Variants in PCNX1 observed in about 807,000 individuals in gnomAD.
PCNX1 encodes the protein pecanex-like protein 1.
In PCNX1, 78 loss-of-function variants were observed where a neutral mutation model predicts 242.2. The observed-to-expected ratio is 0.32, with a 90% CI of 0.27 to 0.39. PCNX1 has a LOEUF of 0.39. PCNX1 is among the 10% of genes least tolerant of loss of function. PCNX1 has a pLI of 1.00. For missense variants in PCNX1, 2,581 were observed against 2,856.5 expected (o/e 0.90, Z 2.20); for synonymous variants, 1,024 against 1,032.9 (o/e 0.99, Z 0.17).
At chr14:71,072,317 C>T (rs1166271964) in intron 26 of PCNX1, among the ~76,000 whole-genome samples, 1 of 152,210 alleles carries the variant, frequency 6.6e-6, no homozygotes, top group Non-Finnish European at 1.5e-5. Context: ...TGGTCACCCA[C>T]AGCATGTATT....
intron 5 of PCNX1, among the ~76,000 whole-genome samples, chr14:70,971,123 T>G (rs201221125): frequency 1.1e-3 from 3 of 2,648 alleles, no homozygotes; most frequent in Admixed American, 8.4e-3. Flanking sequence ...TAGTTTTTTT[T>G]TTTTTTTTTT....
chr14:71,089,717 C>G (rs571541184), intron 30 of PCNX1, among the ~76,000 whole-genome samples: 4 of 152,210 alleles, frequency 2.6e-5, no homozygotes, highest in Non-Finnish European at 5.9e-5. Flanking sequence ...TTCCAGGACA[C>G]GTGGGGATTA....
chr14:70,979,769 A>G (rs1282167266), intron 6 of PCNX1, among the ~76,000 whole-genome samples: 1 of 152,114 alleles, frequency 6.6e-6, no homozygotes, highest in African/African-American at 2.4e-5. Flanking sequence ...ATTTTCTTAG[A>G]TTTTTTTGGG....
intron 5 of PCNX1, chr14:70,969,901 G>C (rs2058489679): frequency 6.6e-6 from 1 of 152,440 alleles, no homozygotes; most frequent in African/African-American, 2.4e-5. Context: ...GAACCTGGGA[G>C]GCGGAGGTTG....
In PCNX1 at chr14:70,977,651, G is replaced by C; in HGVS notation, c.1314G>C (p.Glu438Asp). 6.2e-7 allele frequency: 1 copy of C among 1,614,062 alleles called. No homozygotes were observed. The highest frequency in any genetic ancestry group is 8.5e-7 in the Non-Finnish European group (1 of 1,179,996). The change falls in exon 6 of 36, where the codon GAG becomes GAC. Residue 438 changes from glutamate to aspartate, a missense_variant. By Grantham distance (45) the Glu-to-Asp change is conservative (BLOSUM62 2). Transcript: ENST00000304743. Reference sequence around the variant, plus strand: ...AGAAAGAGTGCTGTGCAGGCCCAGAGGAGAAGAATAGCTGTGCCAGTGACA... The same window carrying C: ...AGAAAGAGTGCTGTGCAGGCCCAGACGAGAAGAATAGCTGTGCCAGTGACA... Reference protein sequence around the residue: ...GRKKECCAGPEEKNSCASDKR... With the variant: ...GRKKECCAGPDEKNSCASDKR...
chr14:70,991,968 A>G (rs552845861), intron 7 of PCNX1, among the ~76,000 whole-genome samples: 10 of 152,292 alleles, frequency 6.6e-5, no homozygotes, highest in African/African-American at 2.4e-4. Flanking sequence ...ATATGTCCCC[A>G]AGGATTGGGA....
chr14:71,019,720 T>TAAAATAAG (rs2060048726), intron 12 of PCNX1, among the ~76,000 whole-genome samples: 2 of 152,278 alleles, frequency 1.3e-5, no homozygotes, highest in African/African-American at 4.8e-5. Context: ...CTGTATTTGT[T>TAAAATAAG]AAAATAAGAA....
rs930476594 is a variant in PCNX1, at chr14:71,012,890, GTAAC to G, written c.2779-93_2779-90del. ...CTTAGATAACTGATAAGCTAATTGA[GTAAC>G]TGTTGAATTATGAAGATATTTTATT... On this transcript the variant is annotated intron_variant, in intron 10 of 35. Coordinates refer to ENST00000304743, the MANE Select transcript of PCNX1 (RefSeq NM_014982.3). The G allele has an allele frequency of 3.2e-4, 264 of 820,696 alleles. 5 individuals are homozygous for G. In the Admixed American group the frequency reaches 5.1e-3, roughly 16 times the overall value. 50.8% of individuals were successfully genotyped at this position (820,696 alleles called of 1,614,324 possible). A position where few individuals can be genotyped will look rare whatever the true frequency, so the allele number is the denominator to read the frequency against.
intron 12 of PCNX1, among the ~76,000 whole-genome samples, chr14:71,019,443 C>G (rs991302473): frequency 6.6e-6 from 1 of 152,122 alleles, no homozygotes; most frequent in Non-Finnish European, 1.5e-5. Flanking sequence ...TGCTCTGTTG[C>G]CCAGGCTGCA....
chr14:71,036,117 A>T lies in PCNX1; in HGVS notation c.3827A>T (p.Tyr1276Phe). 1 of 1,608,468 alleles carries T rather than the reference A, an allele frequency of 6.2e-7. No individual in the cohort carries two copies. The highest frequency in any genetic ancestry group is 8.5e-7 in the Non-Finnish European group (1 of 1,174,960). ...GTATGCATTGTAATTGGTGTGCTGTATTTTGCTATTCATGTAAGCACAGTC... is the reference window on the plus strand; with the variant it reads ...GTATGCATTGTAATTGGTGTGCTGTTTTTTGCTATTCATGTAAGCACAGTC... ...LVVCIVIGVL[Y>F]FAIHVSTVFT... Residue 1276 changes from tyrosine (Y) to phenylalanine (F), a missense_variant, in exon 19 of 36, where the codon TAT becomes TTT. Tyr to Phe is a conservative substitution (Grantham distance 22). Coordinates refer to ENST00000304743, the MANE Select transcript of PCNX1 (RefSeq NM_014982.3).
chr14:70,922,355 C>T (rs2056410902), intron 1 of PCNX1, among the ~76,000 whole-genome samples: 1 of 151,794 alleles, frequency 6.6e-6, no homozygotes, highest in Non-Finnish European at 1.5e-5. Flanking sequence ...TTTTTTCTTG[C>T]AAACCTTTAA....
rs1205708508 is a variant in PCNX1 at position 71,115,000 on chromosome 14, T to G, written c.*5065T>G. ...GCTTTTTAAAAGCTTATAGTTTAAG[T>G]AAAAGTAAAATGTAAAAACTGATTA... On this transcript the variant is annotated 3_prime_UTR_variant, in exon 36 of 36. Transcript: ENST00000304743. 7.5e-6 allele frequency: 1 copy of G among 133,498 alleles called. No homozygotes were observed. Among genetic ancestry groups the G allele is most frequent in the African/African-American group, 2.7e-5 (1 of 36,372 alleles). The allele number at this position is 133,498 out of a possible 1,614,324, so 8.3% of individuals were successfully genotyped here. A position where few individuals can be genotyped will look rare whatever the true frequency, so the allele number is the denominator to read the frequency against.
Position 71,013,060 on chromosome 14 carries a change from C to A in PCNX1, c.2854C>A (p.Leu952Ile), listed in dbSNP as rs142137831. ...TTTGTTGGAGCAACAGGACATTGAT[C>A]TAAGCCCTGACTTGGCAGCTACTTA... ...TDLLEQQDID[L>I]SPDLAATYGP... The change falls in exon 11 of 36, where the codon CTA becomes ATA. Residue 952 changes from leucine to isoleucine, a missense_variant. By Grantham distance (5) the Leu-to-Ile change is conservative. Around this residue, in one of 9 missense-constraint regions of PCNX1, gnomAD observed 1,204 missense variants for 1,216.7 expected, o/e 0.99. Transcript: ENST00000304743. 1.2e-5 allele frequency: 20 copies of A among 1,613,952 alleles called. No individual in the cohort carries two copies. The African/African-American group carries it at 2.7e-4, about 22-fold the overall frequency.
intron 1 of PCNX1, among the ~76,000 whole-genome samples, chr14:70,935,925 C>A (rs192167178): frequency 6.6e-6 from 1 of 152,096 alleles, no homozygotes; most frequent in Non-Finnish European, 1.5e-5. Context: ...GTTTTTATGA[C>A]CAGTATTTCA....
intron 19 of PCNX1, among the ~76,000 whole-genome samples, chr14:71,044,034 G>A (rs932210645): frequency 2.0e-5 from 3 of 152,094 alleles, no homozygotes; most frequent in Non-Finnish European, 2.9e-5. Flanking sequence ...GGATGCTTTG[G>A]CTTTGGTTCT....
intron 5 of PCNX1, among the ~76,000 whole-genome samples, chr14:70,974,114 A>G (rs893164113): frequency 6.6e-6 from 1 of 150,762 alleles, no homozygotes. Context: ...TTATTCTGGC[A>G]TGTATCAGGA....
At position 71,036,114 on chromosome 14, in the gene PCNX1, T is replaced by C; in HGVS notation, c.3824T>C (p.Leu1275Pro). 6.2e-7 allele frequency: 1 copy of C among 1,609,380 alleles called. No individual in the cohort carries two copies. The change falls in exon 19 of 36, where the codon CTG becomes CCG. Residue 1275 changes from leucine (L) to proline (P), a missense_variant. By Grantham distance (98) the Leu-to-Pro change is moderately conservative. This residue lies in a region of PCNX1 where 432 missense variants were observed against 443.1 expected (regional missense o/e 0.97). Coordinates refer to ENST00000304743, the MANE Select transcript of PCNX1 (RefSeq NM_014982.3). ...DLVVCIVIGV[L>P]YFAIHVSTVF... ...GTAGTATGCATTGTAATTGGTGTGC[T>C]GTATTTTGCTATTCATGTAAGCACA...
At chr14:70,947,562 T>G (rs982664434) in intron 2 of PCNX1, among the ~76,000 whole-genome samples, 1 of 152,218 alleles carries the variant, frequency 6.6e-6, no homozygotes, top group Non-Finnish European at 1.5e-5. Flanking sequence ...CAATCAGTAC[T>G]CTTATAGTTT....
At chr14:71,040,246 G>A (rs181464008) in intron 19 of PCNX1, among the ~76,000 whole-genome samples, 142 of 152,138 alleles carry the variant, frequency 9.3e-4, no homozygotes, top group Non-Finnish European at 1.3e-3. Flanking sequence ...TACTTCATTG[G>A]GTATAAAATT....
Sources: allele counts gnomAD v4.1 joint callset (sites outside exome capture counted in the v4.1 genomes callset), GRCh38; gene constraint gnomAD v4.1.1; regional missense constraint gnomAD v4.1.1; transcripts MANE v1.5; gene names NCBI Gene and HGNC (gene_info 2026-07-23, HGNC 2026-07-21).